The following ABI3BP variants were observed in gnomAD, a reference collection of about 807,000 sequenced individuals.
The protein encoded by ABI3BP is target of Nesh-SH3.
ABI3BP carries 216 observed loss-of-function variants against 268.6 expected under a neutral mutation model. The ratio of observed to expected loss-of-function variants is 0.80; its 90% confidence interval spans 0.72 to 0.90. The LOEUF is 0.90. Among genes scored for constraint, ABI3BP ranks in the 40% least tolerant of loss-of-function variants. The pLI, the probability that ABI3BP is intolerant of heterozygous loss-of-function variation, is 0.00. For synonymous variants in ABI3BP, 730 were observed against 730.0 expected (o/e 1.00, Z 0.00); for missense variants, 2,090 against 2,182.4 (o/e 0.96, Z 0.84).
In ABI3BP at chr3:100,754,527, G is replaced by C. The variant is rs1034699727; in HGVS notation, c.4930+85C>G. On this transcript the variant is annotated intron_variant, in intron 64 of 67. Coordinates refer to ENST00000471714, the MANE Select transcript of ABI3BP (RefSeq NM_001375547.2). Reference sequence around the variant, plus strand: ...AATTCAAGAAACAGTACATGTAGTGGGTTTCAAACAAACTTCCTACGCAAA... The same window carrying C: ...AATTCAAGAAACAGTACATGTAGTGCGTTTCAAACAAACTTCCTACGCAAA... The C allele has an allele frequency of 3.8e-6, 5 of 1,300,728 alleles. No homozygotes were observed. The African/African-American group carries it at 4.4e-5, about 11-fold the overall frequency. 80.6% of individuals were successfully genotyped at this position (1,300,728 alleles called of 1,614,324 possible).
intron 14 of ABI3BP, among the ~76,000 whole-genome samples, chr3:100,852,477 G>A (rs1041814677): frequency 1.3e-5 from 2 of 152,176 alleles, no homozygotes; most frequent in African/African-American, 2.4e-5. Context: ...AAATAGGTGA[G>A]GTAGGCAGTA....
chr3:100,980,192 G>A (rs953564298), intron 1 of ABI3BP, among the ~76,000 whole-genome samples: 3 of 152,138 alleles, frequency 2.0e-5, no homozygotes, highest in Non-Finnish European at 4.4e-5. Flanking sequence ...TTCATTGTGT[G>A]TCACACCAAA....
rs892538120 is a variant in ABI3BP, at chr3:100,838,292, A to G, written c.2009-8T>C. ...GTTTTGGTGGTTTTGAACCTGAAGAAAATTAGAGTGCCATAATTAGTGTTA... is the reference window on the plus strand; with the variant it reads ...GTTTTGGTGGTTTTGAACCTGAAGAGAATTAGAGTGCCATAATTAGTGTTA... On this transcript the variant is annotated splice_polypyrimidine_tract_variant and splice_region_variant and intron_variant, in intron 25 of 67. Coordinates refer to ENST00000471714, the MANE Select transcript of ABI3BP (RefSeq NM_001375547.2). 4 of 1,535,988 alleles carry G rather than the reference A, an allele frequency of 2.6e-6. No homozygotes were observed. The Admixed American group carries it at 7.8e-5, about 30-fold the overall frequency.
chr3:100,880,304 C>A (rs1263989629), intron 6 of ABI3BP, among the ~76,000 whole-genome samples: 2 of 152,144 alleles, frequency 1.3e-5, no homozygotes, highest in Non-Finnish European at 2.9e-5. Context: ...CCTTCTTAGT[C>A]ATTCCCTTGC....
At chr3:100,836,302 T>G (rs544508717) in intron 27 of ABI3BP, among the ~76,000 whole-genome samples, 47 of 152,288 alleles carry the variant, frequency 3.1e-4, no homozygotes, top group African/African-American at 1.1e-3. Flanking sequence ...CTGAAATTGA[T>G]TATACATAGA....
chr3:100,825,637 T>C, intron 35 of ABI3BP, 148 bp downstream of exon 35: 1 of 675,480 alleles, frequency 1.5e-6, no homozygotes, highest in Non-Finnish European at 2.5e-6. Context: ...ATTCTTCAGA[T>C]GATAGAAATA....
rs1485470495 is a variant in ABI3BP, at chr3:100,918,336, CCATCCACCCGTCCACT to C, written c.259+7950_259+7965del. On this transcript the variant is annotated intron_variant, in intron 2 of 67. Transcript: ENST00000471714. ...CCCGTCCACCTGTCCACCCGTCCAC[CCATCCACCCGTCCACT>C]CATCTATTCCTTTATTGTGTTTCTG... Among the ~76,000 whole-genome samples, 450 of 151,380 alleles carry C rather than the reference CCATCCACCCGTCCACT, an allele frequency of 3.0e-3. 2 individuals are homozygous for C. Among genetic ancestry groups the C allele is most frequent in the African/African-American group, 9.9e-3 (408 of 41,246 alleles).
intron 1 of ABI3BP, among the ~76,000 whole-genome samples, chr3:100,938,313 AC>A (rs1365003977): frequency 6.6e-6 from 1 of 151,656 alleles, no homozygotes; most frequent in African/African-American, 2.4e-5. Context: ...AAAAAAAAAA[AC>A]AAGCAAACAT....
Position 100,804,805 on chromosome 3 carries a change from T to A in ABI3BP, c.3744A>T (p.Ser1248=). Residue 1248 remains serine (S), a synonymous_variant, in exon 51 of 68, where the codon TCA becomes TCT. Coordinates refer to ENST00000471714, the MANE Select transcript of ABI3BP (RefSeq NM_001375547.2). The part of the protein sequence containing the change: ...KPKTSPSPEV[S]YTTPAPKDVL... The stretch of plus-strand genomic sequence containing the variant: ...TAAAGCATTTACCAGGTGTGGTGTA[T>A]GACACTTCTGGACTTGGTGACGTTT... The A allele has an allele frequency of 6.2e-7, 1 of 1,613,076 alleles. No homozygotes were observed. Among genetic ancestry groups the A allele is most frequent in the Admixed American group, 1.7e-5 (1 of 59,996 alleles).
chr3:100,772,562 A>G (rs2096579153), intron 61 of ABI3BP, among the ~76,000 whole-genome samples: 1 of 152,194 alleles, frequency 6.6e-6, no homozygotes, highest in Non-Finnish European at 1.5e-5. Flanking sequence ...GATACATACT[A>G]TAAACCCCAA....
intron 40 of ABI3BP, 77 bp from the exon 41 acceptor site, chr3:100,818,658 T>A: frequency 8.8e-7 from 1 of 1,140,404 alleles, no homozygotes; most frequent in Non-Finnish European, 1.2e-6. Flanking sequence ...CTTCAATCAG[T>A]ATATAGCAAT....
At chr3:100,981,071 G>A (rs1182903438) in intron 1 of ABI3BP, among the ~76,000 whole-genome samples, 2 of 152,144 alleles carry the variant, frequency 1.3e-5, no homozygotes, top group African/African-American at 4.8e-5. Flanking sequence ...GGAATGCTAT[G>A]GTGTGAATAT....
chr3:100,839,974 C>A, intron 23 of ABI3BP, 98 bp downstream of exon 23: 1 of 964,252 alleles, frequency 1.0e-6, no homozygotes, highest in South Asian at 1.4e-5. Flanking sequence ...GTCAATTCCA[C>A]TGGTTCCTAA....
At chr3:100,831,031 GATAGATAGA>G (rs1345105085) in intron 31 of ABI3BP, among the ~76,000 whole-genome samples, 1 of 152,194 alleles carries the variant, frequency 6.6e-6, no homozygotes, top group Non-Finnish European at 1.5e-5. Flanking sequence ...AATCAATAAT[GATAGATAGA>G]ATAAACATTT....
intron 62 of ABI3BP, 56 bp downstream of exon 62, chr3:100,770,687 A>G: frequency 1.5e-6 from 2 of 1,378,790 alleles, no homozygotes; most frequent in Non-Finnish European, 1.9e-6. Flanking sequence ...CCCCACTCCC[A>G]GGGTATCTTG....
Position 100,856,663 on chromosome 3 carries a change from A to C in ABI3BP, c.1286-4723T>G, listed in dbSNP as rs116640145. 3.6e-3 allele frequency among the ~76,000 whole-genome samples: 548 copies of C among 152,304 alleles called. 5 individuals carry two copies. The highest frequency in any genetic ancestry group is 0.012 in the African/African-American group (518 of 41,570). The stretch of plus-strand genomic sequence containing the variant: ...CAAGCATTGTCTTTATTTGCTTTTG[A>C]AACTCTCCTGGTACTCAATGATGGT... On this transcript the variant is annotated intron_variant, in intron 14 of 67. Transcript: ENST00000471714.
At chr3:100,804,634 T>G (rs764184255) in intron 51 of ABI3BP, among the ~76,000 whole-genome samples, 158 bp downstream of exon 51, 5 of 152,154 alleles carry the variant, frequency 3.3e-5, no homozygotes, top group Admixed American at 1.3e-4. Flanking sequence ...CAGTGGGCAC[T>G]CTTATGAAAC....
intron 1 of ABI3BP, among the ~76,000 whole-genome samples, chr3:100,943,766 T>G (rs1437444308): frequency 2.0e-5 from 3 of 152,154 alleles, no homozygotes; most frequent in Non-Finnish European, 2.9e-5. Flanking sequence ...AGTATTCAGA[T>G]AGTTATTAAA....
At chr3:100,933,600 A>AG (rs760609572) in intron 1 of ABI3BP, among the ~76,000 whole-genome samples, 3 of 149,134 alleles carry the variant, frequency 2.0e-5, no homozygotes, top group Non-Finnish European at 4.5e-5. Flanking sequence ...GAAAAAAAAA[A>AG]GGCAAGCTAC....
Sources: allele counts gnomAD v4.1 joint callset (sites outside exome capture counted in the v4.1 genomes callset), GRCh38; gene constraint gnomAD v4.1.1; transcripts MANE v1.5; gene names NCBI Gene and HGNC (gene_info 2026-07-23, HGNC 2026-07-21).